The following SLC12A1 variants were observed in gnomAD, a reference collection of about 807,000 sequenced individuals.
The protein encoded by SLC12A1 is solute carrier family 12 member 1, also known as Na-K-2Cl cotransporter.
A neutral mutation model predicts 130.4 loss-of-function variants in SLC12A1; 89 were observed. The ratio of observed to expected loss-of-function variants is 0.68; its 90% confidence interval spans 0.58 to 0.81. The LOEUF (loss-of-function observed/expected upper bound fraction) is 0.81, where lower values mean the gene tolerates loss of function less well. Among genes scored for constraint, SLC12A1 ranks in the 40% least tolerant of loss-of-function variants. The pLI, the probability that SLC12A1 is intolerant of heterozygous loss-of-function variation, is 0.00. For missense variants in SLC12A1, 1,310 were observed against 1,336.4 expected (o/e 0.98, Z 0.31); for synonymous variants, 499 against 460.0 (o/e 1.08, Z -1.09).
rs138543996 is a variant in SLC12A1, at chr15:48,266,235, C to T, written c.2155-1326C>T. Among the ~76,000 whole-genome samples, 734 of 152,332 alleles carry T rather than the reference C, an allele frequency of 4.8e-3. 8 individuals are homozygous for T. The highest frequency in any genetic ancestry group is 0.044 in the Middle Eastern group (13 of 294). On this transcript the variant is annotated intron_variant, in intron 17 of 26. Transcript: ENST00000380993. Reference sequence around the variant, plus strand: ...GATCTCAACCCAACATTCTGACTCACAGTTCAGTGTTCCTGCAAGCACAGT... The same window carrying T: ...GATCTCAACCCAACATTCTGACTCATAGTTCAGTGTTCCTGCAAGCACAGT...
chr15:48,226,716 C>T (rs1450811389), intron 5 of SLC12A1, 145 bp downstream of exon 5: 3 of 665,098 alleles, frequency 4.5e-6, no homozygotes, highest in East Asian at 2.7e-5. Context: ...CAAAGAAAAC[C>T]TAAGGTACGA....
intron 2 of SLC12A1, among the ~76,000 whole-genome samples, chr15:48,219,976 G>A (rs1170168049): frequency 1.3e-5 from 2 of 151,850 alleles, no homozygotes; most frequent in Non-Finnish European, 2.9e-5. Context: ...GAGTGTGGTG[G>A]TGTGTGCCTG....
intron 20 of SLC12A1, among the ~76,000 whole-genome samples, chr15:48,276,473 T>C (rs1010482131): frequency 9.2e-5 from 14 of 152,150 alleles, no homozygotes; most frequent in Non-Finnish European, 4.4e-5. Flanking sequence ...AATCCAATAT[T>C]ACTGATGTCC....
intron 8 of SLC12A1, among the ~76,000 whole-genome samples, chr15:48,234,662 T>C (rs371291985): frequency 3.3e-5 from 5 of 152,004 alleles, no homozygotes; most frequent in East Asian, 3.9e-4. Context: ...GGAGAATTGC[T>C]TGGTTGCTTG....
chr15:48,241,440 A>C (rs1450720510), intron 9 of SLC12A1, 75 bp from the exon 10 acceptor site: 4 of 1,228,594 alleles, frequency 3.3e-6, no homozygotes, highest in Non-Finnish European at 4.8e-6. Flanking sequence ...ATCTGAAAAT[A>C]TGAAAATAAC....
chr15:48,283,332 T>C (rs1196938219), intron 20 of SLC12A1, among the ~76,000 whole-genome samples: 2 of 152,246 alleles, frequency 1.3e-5, no homozygotes, highest in South Asian at 2.1e-4. Flanking sequence ...TTGCCTAATG[T>C]CACATAAAGC....
chr15:48,258,387 G>A (rs1157678666), intron 16 of SLC12A1, among the ~76,000 whole-genome samples: 304 of 71,558 alleles, frequency 4.2e-3, no homozygotes, highest in Non-Finnish European at 7.8e-3. Flanking sequence ...AAAAAAAAAA[G>A]AGTGACCTTT....
chr15:48,235,368 A>C, intron 9 of SLC12A1: 1 of 289,624 alleles, frequency 3.5e-6, no homozygotes. Context: ...AAACAAAACA[A>C]AGGAAAATAA....
intron 16 of SLC12A1, among the ~76,000 whole-genome samples, chr15:48,258,471 T>C (rs1278083911): frequency 4.0e-5 from 6 of 150,392 alleles, no homozygotes; most frequent in African/African-American, 1.2e-4. Context: ...CATATCACTA[T>C]CAGCATTTTG....
intron 8 of SLC12A1, among the ~76,000 whole-genome samples, chr15:48,233,836 C>T (rs2041407755): frequency 6.6e-6 from 1 of 151,708 alleles, no homozygotes; most frequent in Admixed American, 6.6e-5. Context: ...TTCTTTAAGC[C>T]TTTTTTCCTA....
At chr15:48,287,170 C>T (rs989944263) in intron 21 of SLC12A1, among the ~76,000 whole-genome samples, 6 of 152,134 alleles carry the variant, frequency 3.9e-5, no homozygotes, top group East Asian at 1.9e-4. Flanking sequence ...AGAAATGCTA[C>T]GTACGCTGTG....
chr15:48,256,043 C>T (rs2041703954), intron 16 of SLC12A1, 133 bp downstream of exon 16: 2 of 665,226 alleles, frequency 3.0e-6, no homozygotes, highest in Non-Finnish European at 5.4e-6. Context: ...TACAAAACTG[C>T]CACATTTTCA....
chr15:48,280,272 T>G (rs1566854167), intron 20 of SLC12A1, among the ~76,000 whole-genome samples: 2 of 152,172 alleles, frequency 1.3e-5, no homozygotes, highest in Non-Finnish European at 2.9e-5. Flanking sequence ...TATAATCGAT[T>G]TATAAAGCAC....
intron 15 of SLC12A1, 23 bp downstream of exon 15, chr15:48,251,793 T>C: frequency 1.9e-6 from 3 of 1,607,546 alleles, no homozygotes; most frequent in Non-Finnish European, 1.7e-6. Flanking sequence ...CTGTCTGGAA[T>C]AGCGTTTCCA....
At chr15:48,208,603 G>A (rs183413693) in intron 2 of SLC12A1, among the ~76,000 whole-genome samples, 14 of 152,290 alleles carry the variant, frequency 9.2e-5, no homozygotes, top group African/African-American at 3.4e-4. Context: ...ATGAGCCACT[G>A]TGCCCAGCTC....
chr15:48,235,345 T>TAAAA, intron 9 of SLC12A1: 1 of 238,716 alleles, frequency 4.2e-6, no homozygotes, highest in Non-Finnish European at 8.4e-6. Flanking sequence ...CCTGTAAAAG[T>TAAAA]AAAAAAAAAA....
At chr15:48,250,674 CCTCA>C (rs1208442539) in intron 14 of SLC12A1, among the ~76,000 whole-genome samples, 1 of 56,128 alleles carries the variant, frequency 1.8e-5, no homozygotes, top group Non-Finnish European at 3.4e-5. Context: ...AAAATGTCTG[CCTCA>C]CACACACACA....
At chr15:48,225,823 A>G (rs1415404450) in intron 4 of SLC12A1, 3 of 791,302 alleles carry the variant, frequency 3.8e-6, no homozygotes, top group South Asian at 5.7e-5. Context: ...CCACCATTTA[A>G]TACCTTTATT....
At chr15:48,227,487 G>A (rs898290318) in intron 5 of SLC12A1, 36 of 350,890 alleles carry the variant, frequency 1.0e-4, no homozygotes, top group Non-Finnish European at 1.9e-4. Context: ...TGGCTCTCTC[G>A]CAGGTCCTCT....
Sources: gnomAD v4.1 joint callset for allele counts (sites outside exome capture counted in the v4.1 genomes callset) on GRCh38, gnomAD v4.1.1 for gene constraint, MANE v1.5 for transcripts, NCBI Gene and HGNC (gene_info 2026-07-23, HGNC 2026-07-21) for gene names.